The following PCDHA3 variants were observed in gnomAD, a reference collection of about 807,000 sequenced individuals.
The protein encoded by PCDHA3 is protocadherin alpha 3, also known as protocadherin alpha-3.
A neutral mutation model predicts 62.2 loss-of-function variants in PCDHA3; 41 were observed. That is an observed-to-expected ratio of 0.66 (90% CI 0.51 to 0.86). The LOEUF (loss-of-function observed/expected upper bound fraction) is 0.86. Among genes scored for constraint, PCDHA3 ranks in the 40% least tolerant of loss-of-function variants. The pLI is 0.00. For synonymous variants in PCDHA3, 640 were observed against 555.4 expected (o/e 1.15, Z -2.14); for missense variants, 1,304 against 1,241.2 (o/e 1.05, Z -0.76).
At chr5:140,967,708 C>A (rs782464741) in intron 1 of PCDHA3, 1 of 1,614,158 alleles carries the variant, frequency 6.2e-7, no homozygotes, top group Admixed American at 1.7e-5. Context: ...ATGCCAGTAC[C>A]GGGGAAGTGC....
Position 140,821,826 on chromosome 5 carries a change from G to T in PCDHA3, c.2394+18235G>T, listed in dbSNP as rs1554128222. 4 of 1,613,992 alleles carry T rather than the reference G, an allele frequency of 2.5e-6. No homozygotes were observed. In the East Asian group the frequency reaches 6.7e-5, roughly 27 times the overall value. ...TGGGATCCCGGCTCCTGCTGCTCTG[G>T]CTTCTCCTTGCCTACTGGAAGGCAG... is the stretch of plus-strand genomic sequence containing the variant. On this transcript the variant is annotated intron_variant, in intron 1 of 3. Coordinates refer to ENST00000522353, the MANE Select transcript of PCDHA3 (RefSeq NM_018906.3).
chr5:140,920,029 T>G (rs1584162393), intron 1 of PCDHA3, among the ~76,000 whole-genome samples: 1 of 152,118 alleles, frequency 6.6e-6, no homozygotes, highest in African/African-American at 2.4e-5. Flanking sequence ...GAGACAGAGA[T>G]TGGAGTGATG....
intron 3 of PCDHA3, among the ~76,000 whole-genome samples, chr5:140,987,599 C>T (rs1475170913): frequency 1.3e-5 from 2 of 152,086 alleles, no homozygotes; most frequent in Non-Finnish European, 2.9e-5. Context: ...GTGGTGTCTA[C>T]CTTATAGGGT....
intron 1 of PCDHA3, chr5:140,863,562 G>T: frequency 5.3e-6 from 2 of 376,150 alleles, no homozygotes; most frequent in South Asian, 4.2e-5. Flanking sequence ...AAATTTTTGA[G>T]AATATAAGTA....
chr5:140,849,893 G>A, intron 1 of PCDHA3: 1 of 1,598,550 alleles, frequency 6.3e-7, no homozygotes, highest in Non-Finnish European at 8.6e-7. Context: ...TCGTGAAGGA[G>A]AACAACCCGC....
chr5:140,803,943 G>C, intron 1 of PCDHA3: 1 of 377,142 alleles, frequency 2.7e-6, no homozygotes. Flanking sequence ...CCTATACAAT[G>C]CTTCTTCAAT....
At chr5:140,813,135 G>A (rs1765233097) in intron 1 of PCDHA3, 1 of 152,140 alleles carries the variant, frequency 6.6e-6, no homozygotes, top group Admixed American at 6.5e-5. Context: ...GGAATTTTCT[G>A]TATATGTCTG....
intron 1 of PCDHA3, chr5:140,809,132 G>A: frequency 6.2e-7 from 1 of 1,614,020 alleles, no homozygotes; most frequent in East Asian, 2.2e-5. Flanking sequence ...CCGCCTACTG[G>A]TACTGGTGAA....
intron 1 of PCDHA3, among the ~76,000 whole-genome samples, chr5:140,960,271 CA>C (rs1193468231): frequency 2.0e-5 from 3 of 152,182 alleles, no homozygotes; most frequent in Non-Finnish European, 4.4e-5. Flanking sequence ...TAAATTCCGT[CA>C]CCTTTTTGGG....
At chr5:140,992,038 TG>T (rs2097488764) in intron 3 of PCDHA3, among the ~76,000 whole-genome samples, 1 of 151,828 alleles carries the variant, frequency 6.6e-6, no homozygotes, top group African/African-American at 2.4e-5. Context: ...TGTGTGTGTG[TG>T]TGTGTGTGTG....
rs2150278849 is a variant in PCDHA3 at position 140,837,698 on chromosome 5, C to T, written c.2394+34107C>T. ...CTTTTTTCTTTCTTCTTTCAAGACA[C>T]GCTCTCACTCCATCACCCAGGCTGC... On this transcript the variant is annotated intron_variant, in intron 1 of 3. Coordinates refer to ENST00000522353, the MANE Select transcript of PCDHA3 (RefSeq NM_018906.3). Among the ~76,000 whole-genome samples, 9 of 151,044 alleles carry T rather than the reference C, an allele frequency of 6.0e-5. No homozygotes were observed. In the East Asian group the frequency reaches 7.8e-4, roughly 13 times the overall value.
intron 1 of PCDHA3, among the ~76,000 whole-genome samples, chr5:140,943,614 A>G (rs1269579212): frequency 6.6e-6 from 1 of 152,220 alleles, no homozygotes; most frequent in Admixed American, 6.5e-5. Context: ...ACTTTGATTC[A>G]TCTGCATAAG....
rs2150182871 is a variant in PCDHA3 at position 140,830,216 on chromosome 5, A to G, written c.2394+26625A>G. ...GATCATCGCCATCTGCGCGGTATCC[A>G]GCCTGCTGGTCCTCACGCTACTGCT... is the stretch of plus-strand genomic sequence containing the variant. On this transcript the variant is annotated intron_variant, in intron 1 of 3. Transcript: ENST00000522353. 72 of 1,613,860 alleles carry G rather than the reference A, an allele frequency of 4.5e-5. No homozygotes were observed. The South Asian group carries it at 7.4e-4, about 16-fold the overall frequency.
intron 1 of PCDHA3, among the ~76,000 whole-genome samples, chr5:140,937,306 G>A (rs994842470): frequency 4.3e-4 from 66 of 152,048 alleles, no homozygotes; most frequent in African/African-American, 1.6e-3. Flanking sequence ...CAAAGTGCTG[G>A]GATTACAGGC....
At chr5:140,848,770 G>A in intron 1 of PCDHA3, 1 of 1,593,518 alleles carries the variant, frequency 6.3e-7, no homozygotes, top group Non-Finnish European at 8.6e-7. Flanking sequence ...CGGATCGACC[G>A]CGAGGAGCTG....
chr5:140,836,113 T>A, intron 1 of PCDHA3: 1 of 1,613,528 alleles, frequency 6.2e-7, no homozygotes, highest in South Asian at 1.1e-5. Flanking sequence ...GGTGGCGCAG[T>A]GAGAGAGCTT....
At position 140,829,573 on chromosome 5, in the gene PCDHA3, G is replaced by T. The variant is rs149144253; in HGVS notation, c.2394+25982G>T. The T allele has an allele frequency of 5.4e-4, 868 of 1,612,504 alleles. 2 individuals carry two copies. The highest frequency in any genetic ancestry group is 3.7e-3 in the African/African-American group (279 of 75,014). The stretch of plus-strand genomic sequence containing the variant: ...AGAACGCGCTGGTGTCCTACTCGCT[G>T]GTGGAGCGGCGGGTGGGCGAGCGCG... On this transcript the variant is annotated intron_variant, in intron 1 of 3. Coordinates refer to ENST00000522353, the MANE Select transcript of PCDHA3 (RefSeq NM_018906.3).
At chr5:140,833,481 C>T (rs968356288) in intron 1 of PCDHA3, among the ~76,000 whole-genome samples, 1 of 152,024 alleles carries the variant, frequency 6.6e-6, no homozygotes, top group South Asian at 2.1e-4. Flanking sequence ...AGAAATAATA[C>T]AAATCATATT....
At chr5:140,882,112 C>T (rs1399071152) in intron 1 of PCDHA3, 2 of 1,384,570 alleles carry the variant, frequency 1.4e-6, no homozygotes, top group Non-Finnish European at 1.9e-6. Flanking sequence ...CGAAGAAAGC[C>T]GCCGTTTCTT....
Sources: gnomAD v4.1 joint callset for allele counts (sites outside exome capture counted in the v4.1 genomes callset) on GRCh38, gnomAD v4.1.1 for gene constraint, MANE v1.5 for transcripts, NCBI Gene and HGNC (gene_info 2026-07-23, HGNC 2026-07-21) for gene names.